The following GALNT18 variants were observed in gnomAD, a reference collection of about 807,000 sequenced individuals.
The protein encoded by GALNT18 is GalNAc-transferase 18.
In GALNT18, 44 loss-of-function variants were observed where a neutral mutation model predicts 69.5. That is an observed-to-expected ratio of 0.63 (90% CI 0.50 to 0.81). GALNT18 has a LOEUF of 0.81. Among genes scored for constraint, GALNT18 ranks in the 40% least tolerant of loss-of-function variants. GALNT18 has a pLI of 0.00. For missense variants in GALNT18, 715 were observed against 810.0 expected (o/e 0.88, Z 1.42); for synonymous variants, 364 against 318.2 (o/e 1.14, Z -1.53).
At chr11:11,567,947 G>A (rs1355128286) in intron 1 of GALNT18, among the ~76,000 whole-genome samples, 1 of 152,158 alleles carries the variant, frequency 6.6e-6, no homozygotes, top group Non-Finnish European at 1.5e-5. Flanking sequence ...CTGTCTTTAA[G>A]AGAACTATAT....
At chr11:11,425,530 A>G (rs113625785) in intron 3 of GALNT18, among the ~76,000 whole-genome samples, 3 of 152,272 alleles carry the variant, frequency 2.0e-5, no homozygotes, top group Non-Finnish European at 4.4e-5. Flanking sequence ...TTCAAGTGGC[A>G]TGAAAGAAGG....
chr11:11,588,250 A>G (rs1040542993), intron 1 of GALNT18, among the ~76,000 whole-genome samples: 1 of 151,986 alleles, frequency 6.6e-6, no homozygotes, highest in African/African-American at 2.4e-5. Flanking sequence ...ACTTCTGTCC[A>G]TGTCTCCACT....
At chr11:11,279,626 G>T (rs1849025578) in intron 10 of GALNT18, among the ~76,000 whole-genome samples, 1 of 152,106 alleles carries the variant, frequency 6.6e-6, no homozygotes, top group African/African-American at 2.4e-5. Context: ...ACAATGTCGA[G>T]CAGAAGCAGC....
rs1277376435 is a variant in GALNT18, at chr11:11,543,788, T to C, written c.235+77571A>G. 6.6e-6 allele frequency among the ~76,000 whole-genome samples: 1 copy of C among 152,222 alleles called. No individual in the cohort carries two copies. The highest frequency in any genetic ancestry group is 2.4e-5 in the African/African-American group (1 of 41,452). ...TCTGTGATGTGACTGGGGCCCCGAA[T>C]GTGCCACGGTGGGTGGGTGTGGTTA... On this transcript the variant is annotated intron_variant, in intron 1 of 10. Coordinates refer to ENST00000227756, the MANE Select transcript of GALNT18 (RefSeq NM_198516.3). The surrounding 1 kb of genome is among the most constrained non-coding windows in gnomAD (Gnocchi z 5.1).
At chr11:11,298,407 C>G (rs1590019617) in intron 9 of GALNT18, among the ~76,000 whole-genome samples, 2 of 152,248 alleles carry the variant, frequency 1.3e-5, no homozygotes, top group Non-Finnish European at 1.5e-5. Flanking sequence ...GGCAGTTGCT[C>G]TCTCCCCTCC....
In GALNT18 at chr11:11,377,072, C is replaced by G. The variant is rs1190488018; in HGVS notation, c.977+110G>C. On this transcript the variant is annotated intron_variant, in intron 5 of 10. Coordinates refer to ENST00000227756, the MANE Select transcript of GALNT18 (RefSeq NM_198516.3). This position sits in a 1 kb window ranked among gnomAD's most constrained non-coding sequence, Gnocchi z 4.6. ...GCAGTTCCTTTCGACCCTGCCCACC[C>G]CTGTCATCCCCACGATGGGGCTCAA... 9.9e-7 allele frequency: 1 copy of G among 1,010,866 alleles called. No homozygotes were observed. Among genetic ancestry groups the G allele is most frequent in the Non-Finnish European group, 1.5e-6 (1 of 665,416 alleles). The allele number at this position is 1,010,866 out of a possible 1,614,324, so 62.6% of individuals were successfully genotyped here. A position where few individuals can be genotyped will look rare whatever the true frequency, so the allele number is the denominator to read the frequency against.
chr11:11,332,721 C>T lies in GALNT18; in HGVS notation c.1389G>A (p.Met463Ile), dbSNP rs1850039311. 6 of 1,614,026 alleles carry T rather than the reference C, an allele frequency of 3.7e-6. No individual in the cohort carries two copies. The highest frequency in any genetic ancestry group is 2.7e-5 in the African/African-American group (2 of 74,916). ...YLVSVYPEMR[M>I]YSDIIAYGVL... ...CTCCATAGGCAATGATGTCGGAGTA[C>T]ATCCTCATCTCTGGGTACACGCTGA... Residue 463 changes from methionine to isoleucine, a missense_variant, in exon 8 of 11, where the codon ATG becomes ATA. Met to Ile is a conservative substitution (Grantham distance 10). Coordinates refer to ENST00000227756, the MANE Select transcript of GALNT18 (RefSeq NM_198516.3). The surrounding 1 kb of genome is among the most constrained non-coding windows in gnomAD (Gnocchi z 4.3).
chr11:11,284,809 G>A (rs555708988), intron 10 of GALNT18, among the ~76,000 whole-genome samples: 50 of 134,074 alleles, frequency 3.7e-4, no homozygotes, highest in African/African-American at 1.4e-3. Context: ...ATTACAGCTA[G>A]TTAAAGAAAC....
At chr11:11,527,595 T>C (rs564977592) in intron 1 of GALNT18, among the ~76,000 whole-genome samples, 1 of 140,610 alleles carries the variant, frequency 7.1e-6, no homozygotes, top group African/African-American at 2.7e-5. Flanking sequence ...ATGAAATATT[T>C]AAAATTCTTC....
chr11:11,467,254 C>T (rs1856173478), intron 1 of GALNT18, among the ~76,000 whole-genome samples: 1 of 152,192 alleles, frequency 6.6e-6, no homozygotes, highest in Non-Finnish European at 1.5e-5. Flanking sequence ...GCTCATAGCT[C>T]TATAGCAACT....
At chr11:11,517,325 C>A (rs148318937) in intron 1 of GALNT18, among the ~76,000 whole-genome samples, 2 of 152,298 alleles carry the variant, frequency 1.3e-5, no homozygotes, top group African/African-American at 4.8e-5. Context: ...AAGTGAGATC[C>A]GAGATTCAGC....
rs539938866 is a variant in GALNT18 at position 11,620,841 on chromosome 11, C to T, written c.235+518G>A. ...GATCACAGCAAGACTGGGGCTGGGG[C>T]TGATACAACGCAATTTTCCTAGCCT... On this transcript the variant is annotated intron_variant, in intron 1 of 10. Coordinates refer to ENST00000227756, the MANE Select transcript of GALNT18 (RefSeq NM_198516.3). This position sits in a 1 kb window ranked among gnomAD's most constrained non-coding sequence, Gnocchi z 6.9. Among the ~76,000 whole-genome samples the T allele has an allele frequency of 6.6e-6, 1 of 152,320 alleles. No individual in the cohort carries two copies. Among genetic ancestry groups the T allele is most frequent in the South Asian group, 2.1e-4 (1 of 4,832 alleles).
intron 9 of GALNT18, among the ~76,000 whole-genome samples, chr11:11,325,320 A>G (rs887976555): frequency 6.6e-6 from 1 of 152,198 alleles, no homozygotes; most frequent in African/African-American, 2.4e-5. Context: ...GAGGATGCAA[A>G]GGCATAAGAA....
chr11:11,588,685 T>C (rs896730098), intron 1 of GALNT18, among the ~76,000 whole-genome samples: 1 of 152,226 alleles, frequency 6.6e-6, no homozygotes, highest in African/African-American at 2.4e-5. Flanking sequence ...GTTTCCTCTA[T>C]CCATAGAGGA....
chr11:11,354,334 G>C (rs1382191365), intron 6 of GALNT18, among the ~76,000 whole-genome samples: 1 of 152,146 alleles, frequency 6.6e-6, no homozygotes, highest in Non-Finnish European at 1.5e-5. Flanking sequence ...GGATAATTTA[G>C]AAGCACAGTA....
At chr11:11,610,658 T>C (rs1859874741) in intron 1 of GALNT18, among the ~76,000 whole-genome samples, 1 of 152,234 alleles carries the variant, frequency 6.6e-6, no homozygotes, top group Non-Finnish European at 1.5e-5. Flanking sequence ...GGCCCAGTTA[T>C]CGAGTTGGAC....
At chr11:11,456,959 G>A (rs1044921779) in intron 1 of GALNT18, among the ~76,000 whole-genome samples, 3 of 152,332 alleles carry the variant, frequency 2.0e-5, no homozygotes, top group East Asian at 1.9e-4. Flanking sequence ...GGGAAGTGGG[G>A]CAGGAAATAG....
chr11:11,382,672 T>C lies in GALNT18; in HGVS notation c.596-3408A>G, dbSNP rs1272703146. 6.6e-6 allele frequency among the ~76,000 whole-genome samples: 1 copy of C among 152,222 alleles called. No individual in the cohort carries two copies. Among genetic ancestry groups the C allele is most frequent in the East Asian group, 1.9e-4 (1 of 5,196 alleles). ...ACAAAGATTTTATCAGGATTTTTGC[T>C]GCCCTATCTTTGCTAAACCTTTGAT... On this transcript the variant is annotated intron_variant, in intron 3 of 10. Transcript: ENST00000227756. The surrounding 1 kb of genome is among the most constrained non-coding windows in gnomAD (Gnocchi z 4.3).
intron 3 of GALNT18, among the ~76,000 whole-genome samples, chr11:11,424,145 C>A (rs1338855296): frequency 6.6e-6 from 1 of 152,214 alleles, no homozygotes; most frequent in Non-Finnish European, 1.5e-5. Context: ...AGATGCAGGA[C>A]CCCAGCCATC....
Sources: allele counts gnomAD v4.1 joint callset (sites outside exome capture counted in the v4.1 genomes callset), GRCh38; gene constraint gnomAD v4.1.1; non-coding constraint Gnocchi (gnomAD v3.1); transcripts MANE v1.5; gene names NCBI Gene and HGNC (gene_info 2026-07-23, HGNC 2026-07-21).